Variants in DOCK8 observed in about 807,000 individuals in gnomAD.
DOCK8 encodes the protein dedicator of cytokinesis 8.
DOCK8 carries 141 observed loss-of-function variants against 245.6 expected under a neutral mutation model. The ratio of observed to expected loss-of-function variants is 0.57; its 90% CI spans 0.50 to 0.66. The LOEUF is 0.66. Ranked by LOEUF, DOCK8 falls within the 30% of genes least tolerant of loss-of-function variation. The pLI, the probability that DOCK8 is intolerant of heterozygous loss-of-function variation, is 0.00. For synonymous variants in DOCK8, 1,168 were observed against 970.2 expected (o/e 1.20, Z -3.79); for missense variants, 2,965 against 2,603.4 (o/e 1.14, Z -3.02).
intron 3 of DOCK8, among the ~76,000 whole-genome samples, chr9:288,004 TTTC>T (rs1290240315): frequency 6.6e-6 from 1 of 151,982 alleles, no homozygotes; most frequent in Admixed American, 6.6e-5. Context: ...TGAGACCCTG[TTTC>T]TTACAAAACA....
At chr9:341,275 G>T (rs1391574863) in intron 14 of DOCK8, among the ~76,000 whole-genome samples, 1 of 152,240 alleles carries the variant, frequency 6.6e-6, no homozygotes, top group East Asian at 1.9e-4. Flanking sequence ...AGGTTGGGCT[G>T]CCTTGGTTTC....
Position 420,399 on chromosome 9 carries a change from A to G in DOCK8, c.3841-2A>G. ...TCCATCCCCCAATCTGCCTCCCTTC[A>G]GCCCTATAAGCAGTACAACATGCTG... On this transcript the variant is annotated splice_acceptor_variant, in intron 30 of 47. Coordinates refer to ENST00000432829, the MANE Select transcript of DOCK8 (RefSeq NM_203447.4). LOFTEE classifies it high-confidence loss of function. 1 of 1,614,100 alleles carries G rather than the reference A, an allele frequency of 6.2e-7. No individual in the cohort carries two copies. The highest frequency in any genetic ancestry group is 1.1e-5 in the South Asian group (1 of 91,088).
intron 1 of DOCK8, among the ~76,000 whole-genome samples, chr9:242,350 A>G (rs1034111742): frequency 1.7e-4 from 26 of 152,212 alleles, no homozygotes; most frequent in African/African-American, 6.3e-4. Context: ...GGAAAGGTCT[A>G]CTGTGGAATG....
In DOCK8 at chr9:310,929, A is replaced by G. The variant is rs140636652; in HGVS notation, c.529-1025A>G. 5.6e-3 allele frequency among the ~76,000 whole-genome samples: 846 copies of G among 152,316 alleles called. 5 individuals carry two copies. The highest frequency in any genetic ancestry group is 9.0e-3 in the Admixed American group (137 of 15,298). On this transcript the variant is annotated intron_variant, in intron 5 of 47. Transcript: ENST00000432829. Reference sequence around the variant, plus strand: ...CCTGGGACTTGCTTCTGTCAAAACAATATGGCAAAGCATGAGAGGATGTCA... The same window carrying G: ...CCTGGGACTTGCTTCTGTCAAAACAGTATGGCAAAGCATGAGAGGATGTCA...
chr9:246,333 A>T (rs143953437), intron 1 of DOCK8, among the ~76,000 whole-genome samples: 1 of 152,168 alleles, frequency 6.6e-6, no homozygotes, highest in Non-Finnish European at 1.5e-5. Context: ...AGCCTGGGCA[A>T]CATAGCGTGA....
chr9:463,030 A>G (rs2057854735), intron 46 of DOCK8, among the ~76,000 whole-genome samples: 1 of 152,244 alleles, frequency 6.6e-6, no homozygotes, highest in South Asian at 2.1e-4. Context: ...CTTCTGGCAC[A>G]TAGCAAGTCA....
intron 28 of DOCK8, among the ~76,000 whole-genome samples, chr9:409,154 C>G (rs1197049648): frequency 2.0e-5 from 3 of 152,036 alleles, no homozygotes; most frequent in Non-Finnish European, 4.4e-5. Context: ...CTTGCCAACA[C>G]CTGTACATCC....
chr9:407,944 G>A (rs1261261981), intron 28 of DOCK8, among the ~76,000 whole-genome samples: 1 of 152,072 alleles, frequency 6.6e-6, no homozygotes, highest in African/African-American at 2.4e-5. Context: ...TTTAGATTAG[G>A]CATACAGAAT....
At chr9:237,558 G>A (rs1396638024) in intron 1 of DOCK8, among the ~76,000 whole-genome samples, 1 of 152,210 alleles carries the variant, frequency 6.6e-6, no homozygotes, top group Non-Finnish European at 1.5e-5. Context: ...AGGAGGCCAA[G>A]ATGGAAGGAT....
intron 1 of DOCK8, among the ~76,000 whole-genome samples, chr9:239,727 A>C (rs984522575): frequency 6.6e-6 from 1 of 152,340 alleles, no homozygotes; most frequent in East Asian, 1.9e-4. Flanking sequence ...AATCATTTTA[A>C]CAGCTTGATT....
At chr9:400,947 T>TCACCAC (rs751022932) in intron 26 of DOCK8, among the ~76,000 whole-genome samples, 3 of 28,554 alleles carry the variant, frequency 1.1e-4, no homozygotes, top group Admixed American at 3.5e-4. Flanking sequence ...ACCACCACCA[T>TCACCAC]CACCACCACC....
In DOCK8 at chr9:323,104, AAAAAG is replaced by A. The variant is rs1267812857; in HGVS notation, c.828-2563_828-2559del. Among the ~76,000 whole-genome samples the A allele has an allele frequency of 4.0e-5, 6 of 151,896 alleles. No individual in the cohort carries two copies. In the South Asian group the frequency reaches 8.3e-4, roughly 21 times the overall value. ...GCAAAACTCCATCTCAAAAAAAAAAAAAAAGAAAGCCCCCAATTAATGTGCAATTA... is the reference window on the plus strand; with the variant it reads ...GCAAAACTCCATCTCAAAAAAAAAAAAAAGCCCCCAATTAATGTGCAATTA... On this transcript the variant is annotated intron_variant, in intron 7 of 47. Transcript: ENST00000432829.
chr9:281,437 C>G (rs1199120491), intron 2 of DOCK8, among the ~76,000 whole-genome samples: 1 of 152,162 alleles, frequency 6.6e-6, no homozygotes, highest in African/African-American at 2.4e-5. Flanking sequence ...GCAGAGAAAG[C>G]AAAACAGTTA....
chr9:215,158 G>C (rs773570306), intron 1 of DOCK8, 129 bp downstream of exon 1: 2 of 1,492,648 alleles, frequency 1.3e-6, no homozygotes, highest in Non-Finnish European at 1.8e-6. Flanking sequence ...CCTGAGACCT[G>C]GGGCGCCCGG....
At chr9:400,141 A>T (rs1255023595) in intron 26 of DOCK8, among the ~76,000 whole-genome samples, 18 of 88,338 alleles carry the variant, frequency 2.0e-4, no homozygotes, top group African/African-American at 6.8e-4. Context: ...CATCACCACC[A>T]CCTCCACCAT....
At chr9:329,929 CT>C (rs1247821026) in intron 9 of DOCK8, among the ~76,000 whole-genome samples, 1 of 152,242 alleles carries the variant, frequency 6.6e-6, no homozygotes, top group Non-Finnish European at 1.5e-5. Context: ...AAGACAGCCC[CT>C]GGTTGGCTTT....
At chr9:216,815 A>G (rs1193927088) in intron 1 of DOCK8, among the ~76,000 whole-genome samples, 1 of 152,124 alleles carries the variant, frequency 6.6e-6, no homozygotes, top group Non-Finnish European at 1.5e-5. Flanking sequence ...TGAGTGGCCG[A>G]GACCCGGACT....
chr9:391,821 C>CTTTTTTTTTTTT (rs373810616), intron 24 of DOCK8, among the ~76,000 whole-genome samples: 1,211 of 116,196 alleles, frequency 0.01, 46 homozygotes, highest in Non-Finnish European at 0.015. Context: ...TTAAGTGAAT[C>CTTTTTTTTTTTT]TTTTTTTTTT....
intron 2 of DOCK8, among the ~76,000 whole-genome samples, chr9:274,245 G>A (rs1304606874): frequency 6.6e-6 from 1 of 152,064 alleles, no homozygotes; most frequent in African/African-American, 2.4e-5. Flanking sequence ...GCAACAATAA[G>A]TAAAATTGTT....
Sources: allele counts gnomAD v4.1 joint callset (sites outside exome capture counted in the v4.1 genomes callset), GRCh38; gene constraint gnomAD v4.1.1; transcripts MANE v1.5; gene names NCBI Gene and HGNC (gene_info 2026-07-23, HGNC 2026-07-21).